Variants in ARHGAP5 observed in about 807,000 individuals in gnomAD.
ARHGAP5 encodes the protein Rho GTPase activating protein 5.
In ARHGAP5, 23 loss-of-function variants were observed where a neutral mutation model predicts 116.6. The ratio of observed to expected loss-of-function variants is 0.20; its 90% CI spans 0.14 to 0.28. The LOEUF is 0.28. ARHGAP5 is among the 10% of genes least tolerant of loss of function. The pLI is 1.00. For missense variants in ARHGAP5, 1,405 were observed against 1,774.8 expected (o/e 0.79, Z 3.74); for synonymous variants, 574 against 602.0 (o/e 0.95, Z 0.68).
At chr14:32,097,324 G>A (rs1489712656) in intron 2 of ARHGAP5, among the ~76,000 whole-genome samples, 1 of 152,084 alleles carries the variant, frequency 6.6e-6, no homozygotes, top group Non-Finnish European at 1.5e-5. Context: ...GCAAAGGGTG[G>A]CTTTTAATAG....
chr14:32,077,979 T>C (rs1290807463), intron 1 of ARHGAP5, among the ~76,000 whole-genome samples: 1 of 152,160 alleles, frequency 6.6e-6, no homozygotes, highest in African/African-American at 2.4e-5. Flanking sequence ...CCCTGGGTTC[T>C]CTTCACCAAT....
chr14:32,108,932 C>A (rs1465663259), intron 2 of ARHGAP5, among the ~76,000 whole-genome samples: 3 of 152,036 alleles, frequency 2.0e-5, no homozygotes, highest in Admixed American at 6.6e-5. Flanking sequence ...CTTGACCTGA[C>A]AAAGTAAAGG....
chr14:32,121,743 A>G (rs1435085385), intron 3 of ARHGAP5, among the ~76,000 whole-genome samples: 1 of 152,182 alleles, frequency 6.6e-6, no homozygotes, highest in East Asian at 1.9e-4. Flanking sequence ...TGATTAAGCA[A>G]TCACTTTCTA....
At position 32,091,178 on chromosome 14, in the gene ARHGAP5, A is replaced by G. The variant is rs375076650; in HGVS notation, c.509A>G (p.Asn170Ser). Residue 170 changes from asparagine to serine, a missense_variant, in exon 2 of 7, where the codon AAT (asparagine) becomes AGT (serine). Around this residue, in one of 6 missense-constraint regions of ARHGAP5, gnomAD observed 190 missense variants for 314.9 expected, o/e 0.60. Coordinates refer to ENST00000345122, the MANE Select transcript of ARHGAP5 (RefSeq NM_001030055.2). ...TGCATTGATGTAAGTCAAGGATGCA[A>G]TAGGAAGTTTGATGATCAACTTAAA... ...LLCIDVSQGC[N>S]RKFDDQLKFV... The G allele has an allele frequency of 2.9e-5, 47 of 1,613,476 alleles. No homozygotes were observed. In the Admixed American group the frequency reaches 7.3e-4, roughly 25 times the overall value.
chr14:32,117,573 A>G (rs934831015), intron 3 of ARHGAP5, among the ~76,000 whole-genome samples: 2 of 152,200 alleles, frequency 1.3e-5, no homozygotes, highest in African/African-American at 2.4e-5. Flanking sequence ...AAGTTATGCT[A>G]TTTAGTGAAG....
In ARHGAP5 at chr14:32,094,089, A is replaced by T; in HGVS notation, c.3420A>T (p.Arg1140Ser). Residue 1140 changes from arginine (R) to serine (S), a missense_variant, in exon 2 of 7, where the codon AGA becomes AGT. This residue lies in a region of ARHGAP5 where 944 missense variants were observed against 1,095.3 expected (regional missense o/e 0.86). Coordinates refer to ENST00000345122, the MANE Select transcript of ARHGAP5 (RefSeq NM_001030055.2). ...ATGAAGAAAATGGGTTTTCTGATAG[A>T]ACCTCAAAAAGTCATGGGGAACGGA... ...QGDEENGFSD[R>S]TSKSHGERRP... The T allele has an allele frequency of 6.2e-7, 1 of 1,614,122 alleles. No homozygotes were observed. The highest frequency in any genetic ancestry group is 8.5e-7 in the Non-Finnish European group (1 of 1,180,002).
intron 3 of ARHGAP5, 29 bp from the exon 4 acceptor site, chr14:32,146,230 TATTA>T: frequency 6.7e-7 from 1 of 1,494,400 alleles, no homozygotes; most frequent in Non-Finnish European, 9.3e-7. Context: ...TATATGTGTT[TATTA>T]AAGTATGCAT....
intron 4 of ARHGAP5, among the ~76,000 whole-genome samples, chr14:32,148,302 A>AGT (rs1463331389): frequency 6.6e-6 from 1 of 152,200 alleles, no homozygotes; most frequent in African/African-American, 2.4e-5. Context: ...GCATGGTTAT[A>AGT]GTTAATACCA....
intron 3 of ARHGAP5, among the ~76,000 whole-genome samples, chr14:32,130,351 A>C (rs1880411752): frequency 6.8e-6 from 1 of 146,710 alleles, no homozygotes; most frequent in Non-Finnish European, 1.5e-5. Flanking sequence ...AGCTGGGATT[A>C]CAGGTGCCTG....
At chr14:32,084,892 G>A (rs2041813790) in intron 1 of ARHGAP5, among the ~76,000 whole-genome samples, 1 of 151,762 alleles carries the variant, frequency 6.6e-6, no homozygotes, top group East Asian at 1.9e-4. Context: ...ATCTGTAGTC[G>A]CAGCTGCTTA....
chr14:32,149,117 A>T (rs1329467145), intron 4 of ARHGAP5, among the ~76,000 whole-genome samples: 1 of 151,860 alleles, frequency 6.6e-6, no homozygotes, highest in Admixed American at 6.6e-5. Context: ...GTTCCAGTGA[A>T]CAAGTTTCAG....
intron 3 of ARHGAP5, among the ~76,000 whole-genome samples, chr14:32,135,923 G>A (rs1880765942): frequency 6.6e-6 from 1 of 152,134 alleles, no homozygotes. Flanking sequence ...ATGTTTTACT[G>A]TGTTAAAATG....
intron 3 of ARHGAP5, among the ~76,000 whole-genome samples, chr14:32,130,181 T>C (rs1317340336): frequency 6.6e-6 from 1 of 151,542 alleles, no homozygotes; most frequent in Non-Finnish European, 1.5e-5. Flanking sequence ...AGTAAATTTG[T>C]TTGTTGAATC....
chr14:32,158,732 A>G lies in ARHGAP5; in HGVS notation c.*3784A>G, dbSNP rs1303226936. On this transcript the variant is annotated 3_prime_UTR_variant, in exon 7 of 7. Transcript: ENST00000345122. ...GCCTTTTCAGGTTATGAAATACCTG[A>G]AAGTAAAATTTTCTAAGATTTAATA... The G allele has an allele frequency of 6.6e-6, 1 of 152,050 alleles. No homozygotes were observed. The highest frequency in any genetic ancestry group is 2.4e-5 in the African/African-American group (1 of 41,466). 9.4% of individuals were successfully genotyped at this position (152,050 alleles called of 1,614,324 possible). A position where few individuals can be genotyped will look rare whatever the true frequency, so the allele number is the denominator to read the frequency against.
At chr14:32,121,188 G>A (rs918703385) in intron 3 of ARHGAP5, among the ~76,000 whole-genome samples, 4 of 151,312 alleles carry the variant, frequency 2.6e-5, no homozygotes, top group Middle Eastern at 3.2e-3. Flanking sequence ...TTTTGGTTTT[G>A]GTAGAAACAG....
rs1020531123 is a variant in ARHGAP5, at chr14:32,108,497, A to G, written c.3718-8643A>G. Among the ~76,000 whole-genome samples, 5 of 151,950 alleles carry G rather than the reference A, an allele frequency of 3.3e-5. No homozygotes were observed. In the East Asian group the frequency reaches 9.6e-4, roughly 29 times the overall value. On this transcript the variant is annotated intron_variant, in intron 2 of 6. Transcript: ENST00000345122. The stretch of plus-strand genomic sequence containing the variant: ...AGTTATTATAGAGGGAAAAGATGAA[A>G]TAGAGTAGGGTTATAGTTAGATTGG...
intron 2 of ARHGAP5, among the ~76,000 whole-genome samples, chr14:32,094,833 G>A (rs1461834595): frequency 1.3e-5 from 2 of 152,150 alleles, no homozygotes; most frequent in African/African-American, 4.8e-5. Context: ...CTTCTTTGCA[G>A]ATGGTGGTAT....
chr14:32,111,875 C>G (rs1025112416), intron 2 of ARHGAP5, among the ~76,000 whole-genome samples: 4 of 128,148 alleles, frequency 3.1e-5, no homozygotes, highest in African/African-American at 1.2e-4. Context: ...CAGAGTCTCG[C>G]TCTGTTACTA....
rs1881983126 is a variant in ARHGAP5 at position 32,158,261 on chromosome 14, A to G, written c.*3313A>G. On this transcript the variant is annotated 3_prime_UTR_variant, in exon 7 of 7. Coordinates refer to ENST00000345122, the MANE Select transcript of ARHGAP5 (RefSeq NM_001030055.2). The stretch of plus-strand genomic sequence containing the variant: ...GATGGAAATCTTATTAAGGAGATGT[A>G]TTATTGAATTTTCACTGTACCTGAA... 1 of 151,848 alleles carries G rather than the reference A, an allele frequency of 6.6e-6. No homozygotes were observed. The highest frequency in any genetic ancestry group is 1.5e-5 in the Non-Finnish European group (1 of 67,786). The allele number at this position is 151,848 out of a possible 1,614,324, so 9.4% of individuals were successfully genotyped here.
Sources: allele counts gnomAD v4.1 joint callset (sites outside exome capture counted in the v4.1 genomes callset), GRCh38; gene constraint gnomAD v4.1.1; regional missense constraint gnomAD v4.1.1; transcripts MANE v1.5; gene names NCBI Gene and HGNC (gene_info 2026-07-23, HGNC 2026-07-21).